SIPA1L1: variants seen among roughly 807,000 people sequenced by gnomAD.
SIPA1L1 encodes the protein signal-induced proliferation-associated 1-like protein 1.
In SIPA1L1, 26 loss-of-function variants were observed where a neutral mutation model predicts 162.7. That is an observed-to-expected ratio of 0.16 (90% CI 0.12 to 0.22). SIPA1L1 has a LOEUF of 0.22. SIPA1L1 is among the 10% of genes least tolerant of loss of function. SIPA1L1 has a pLI of 1.00. For synonymous variants in SIPA1L1, 829 were observed against 837.4 expected, an observed-to-expected ratio of 0.99 and a Z score of 0.17; for missense variants, 1,874 against 2,241.0, an observed-to-expected ratio of 0.84 and a Z score of 3.31.
chr14:71,528,194 A>T (rs968616568), intron 3 of SIPA1L1, among the ~76,000 whole-genome samples: 3 of 152,150 alleles, frequency 2.0e-5, no homozygotes, highest in Non-Finnish European at 4.4e-5. Context: ...CAGATATTGG[A>T]ATCATATTTT....
intron 2 of SIPA1L1, among the ~76,000 whole-genome samples, chr14:71,390,199 TAAAC>T (rs2040634082): frequency 6.6e-6 from 1 of 152,208 alleles, no homozygotes; most frequent in African/African-American, 2.4e-5. Flanking sequence ...CTAAATGTGT[TAAAC>T]AATCCAAATA....
At chr14:71,427,608 G>GTCT (rs1416643251) in intron 2 of SIPA1L1, among the ~76,000 whole-genome samples, 4 of 152,096 alleles carry the variant, frequency 2.6e-5, no homozygotes, top group African/African-American at 9.7e-5. Context: ...CTTTTCTACA[G>GTCT]TCTTCTTCCT....
chr14:71,543,965 ATATATACACACACGCACATG>A (rs1393702494), intron 4 of SIPA1L1, among the ~76,000 whole-genome samples: 5 of 150,216 alleles, frequency 3.3e-5, no homozygotes, highest in African/African-American at 7.4e-5. Context: ...ACATGTATGT[ATATATACACACACGCACATG>A]TATATATACA....
chr14:71,532,942 G>A (rs977551955), intron 4 of SIPA1L1, among the ~76,000 whole-genome samples: 1 of 152,146 alleles, frequency 6.6e-6, no homozygotes, highest in Non-Finnish European at 1.5e-5. Flanking sequence ...CTTGCCATCT[G>A]TAGCCTCTGC....
intron 4 of SIPA1L1, among the ~76,000 whole-genome samples, chr14:71,548,789 T>A (rs937122114): frequency 1.3e-5 from 2 of 151,480 alleles, no homozygotes; most frequent in Non-Finnish European, 2.9e-5. Context: ...TCCCAACTGC[T>A]TTGGAGGCTG....
intron 4 of SIPA1L1, among the ~76,000 whole-genome samples, chr14:71,577,420 A>G (rs913146714): frequency 1.5e-4 from 23 of 149,596 alleles, no homozygotes; most frequent in African/African-American, 5.4e-4. Context: ...TCCGTTGCCC[A>G]GGCTGGAGTT....
Position 71,661,401 on chromosome 14 carries a change from C to G in SIPA1L1, c.2189C>G (p.Ser730Cys). 1 of 1,614,026 alleles carries G rather than the reference C, an allele frequency of 6.2e-7. No individual in the cohort carries two copies. Among genetic ancestry groups the G allele is most frequent in the Non-Finnish European group, 8.5e-7 (1 of 1,179,944 alleles). ...AQPFSPKNIRSHFQHVFVIVR... is the reference protein window; with the variant it reads ...AQPFSPKNIRCHFQHVFVIVR... Reference sequence around the variant, plus strand: ...CCATTCAGCCCAAAAAACATCCGATCCCACTTCCAGCACGTTTTCGTCATC... The same window carrying G: ...CCATTCAGCCCAAAAAACATCCGATGCCACTTCCAGCACGTTTTCGTCATC... The change falls in exon 10 of 24, where the codon TCC becomes TGC. Residue 730 changes from serine (S) to cysteine (C), a missense_variant. By Grantham distance (112) the Ser-to-Cys change is moderately radical (BLOSUM62 -1). Around this residue, in one of 5 missense-constraint regions of SIPA1L1, gnomAD observed 243 missense variants for 315.0 expected, o/e 0.77. Coordinates refer to ENST00000381232, the MANE Select transcript of SIPA1L1 (RefSeq NM_001386936.1).
chr14:71,597,617 G>A (rs927369274), intron 5 of SIPA1L1, among the ~76,000 whole-genome samples: 1 of 152,244 alleles, frequency 6.6e-6, no homozygotes, highest in Non-Finnish European at 1.5e-5. Flanking sequence ...TGATCAGGCT[G>A]CACGATAGAA....
At chr14:71,720,250 C>T (rs1034659647) in intron 17 of SIPA1L1, among the ~76,000 whole-genome samples, 10 of 152,168 alleles carry the variant, frequency 6.6e-5, no homozygotes, top group African/African-American at 1.2e-4. Context: ...CTCCTTCTCT[C>T]GCTACATCCT....
intron 17 of SIPA1L1, 135 bp from the exon 18 acceptor site, chr14:71,723,512 G>A: frequency 1.1e-6 from 1 of 932,854 alleles, no homozygotes; most frequent in South Asian, 1.7e-5. Flanking sequence ...AGGAAGGCCA[G>A]CCAGGCATCG....
intron 2 of SIPA1L1, among the ~76,000 whole-genome samples, chr14:71,420,767 T>A (rs2043133669): frequency 6.6e-6 from 1 of 152,182 alleles, no homozygotes; most frequent in Non-Finnish European, 1.5e-5. Context: ...GATATTATAC[T>A]ATTTAACTTA....
rs1417860824 is a variant in SIPA1L1, at chr14:71,672,642, T to G, written c.3104+20T>G. ...GCGGAGGTAGGTCTGAGGAGACAGC[T>G]GTGGGCCTGAGACTCGAGTGCAGGG... is the stretch of plus-strand genomic sequence containing the variant. On this transcript the variant is annotated intron_variant, in intron 12 of 23. Coordinates refer to ENST00000381232, the MANE Select transcript of SIPA1L1 (RefSeq NM_001386936.1). 5 of 1,607,962 alleles carry G rather than the reference T, an allele frequency of 3.1e-6. No individual in the cohort carries two copies. Among genetic ancestry groups the G allele is most frequent in the Non-Finnish European group, 4.3e-6 (5 of 1,175,352 alleles).
rs543097519 is a variant in SIPA1L1, at chr14:71,682,650, C to T, written c.3105-2712C>T. ...AATAAAATGTAGACTGTGGGGAAGA[C>T]AGCGTCTTTGGCCAGAGAGGCCTTC... On this transcript the variant is annotated intron_variant, in intron 12 of 23. Coordinates refer to ENST00000381232, the MANE Select transcript of SIPA1L1 (RefSeq NM_001386936.1). Among the ~76,000 whole-genome samples, 77 of 152,346 alleles carry T rather than the reference C, an allele frequency of 5.1e-4. 1 individual carries two copies. The South Asian group carries it at 0.015, about 30-fold the overall frequency.
At chr14:71,340,419 T>C (rs1440208015) in intron 2 of SIPA1L1, among the ~76,000 whole-genome samples, 1 of 152,200 alleles carries the variant, frequency 6.6e-6, no homozygotes, top group Admixed American at 6.5e-5. Context: ...GTGAATTCAT[T>C]CTGTGTTAGG....
At chr14:71,616,542 A>T (rs942575111) in intron 5 of SIPA1L1, among the ~76,000 whole-genome samples, 4 of 150,244 alleles carry the variant, frequency 2.7e-5, no homozygotes, top group African/African-American at 9.8e-5. Context: ...AAAGAGGGTC[A>T]TCAAGGTACC....
At chr14:71,631,205 CT>C (rs1441090546) in intron 7 of SIPA1L1, among the ~76,000 whole-genome samples, 7 of 151,992 alleles carry the variant, frequency 4.6e-5, no homozygotes, top group African/African-American at 1.7e-4. Flanking sequence ...TGAACTCATC[CT>C]TTTTTATGGC....
chr14:71,648,283 G>A (rs911559955), intron 7 of SIPA1L1, among the ~76,000 whole-genome samples: 2 of 152,068 alleles, frequency 1.3e-5, no homozygotes, highest in Admixed American at 6.6e-5. Flanking sequence ...AGAGCGAAGC[G>A]AAACTCCATC....
chr14:71,689,500 C>T (rs2081101514), intron 13 of SIPA1L1, among the ~76,000 whole-genome samples: 1 of 152,172 alleles, frequency 6.6e-6, no homozygotes, highest in Non-Finnish European at 1.5e-5. Context: ...GGCTGTGGCA[C>T]GCTGAACTTG....
At chr14:71,510,880 C>G (rs956574686) in intron 2 of SIPA1L1, among the ~76,000 whole-genome samples, 3 of 152,180 alleles carry the variant, frequency 2.0e-5, no homozygotes, top group African/African-American at 7.2e-5. Flanking sequence ...GTGTGGCATT[C>G]CATTTCACTT....
Sources: gnomAD v4.1 joint callset for allele counts (sites outside exome capture counted in the v4.1 genomes callset) on GRCh38, gnomAD v4.1.1 for gene constraint, gnomAD v4.1.1 regional missense constraint, MANE v1.5 for transcripts, NCBI Gene and HGNC (gene_info 2026-07-23, HGNC 2026-07-21) for gene names.